The following ZNF532 variants were observed in gnomAD, a reference collection of about 807,000 sequenced individuals.
ZNF532 encodes the protein zinc finger protein 532.
In ZNF532, 22 loss-of-function variants were observed where a neutral mutation model predicts 89.3. That is an observed-to-expected ratio of 0.25 (90% confidence interval 0.18 to 0.35). ZNF532 has a LOEUF of 0.35. Ranked by LOEUF, ZNF532 falls within the 10% of genes least tolerant of loss-of-function variation. ZNF532 has a pLI of 1.00. For synonymous variants in ZNF532, 606 were observed against 649.6 expected, an observed-to-expected ratio of 0.93 and a Z score of 1.02; for missense variants, 1,132 against 1,643.4, an observed-to-expected ratio of 0.69 and a Z score of 5.38.
At chr18:58,972,367 T>G (rs1288533781) in intron 7 of ZNF532, among the ~76,000 whole-genome samples, 1 of 152,242 alleles carries the variant, frequency 6.6e-6, no homozygotes, top group African/African-American at 2.4e-5. Flanking sequence ...CATTAGAAAT[T>G]GACAGTGGTT....
At chr18:58,866,239 T>A (rs1327955220) in intron 2 of ZNF532, among the ~76,000 whole-genome samples, 1 of 152,334 alleles carries the variant, frequency 6.6e-6, no homozygotes, top group Admixed American at 6.5e-5. Flanking sequence ...AAAGCTGTAC[T>A]GGAATGGGTG....
chr18:58,965,367 G>C (rs1455195564), intron 7 of ZNF532, among the ~76,000 whole-genome samples: 1 of 152,218 alleles, frequency 6.6e-6, no homozygotes, highest in Non-Finnish European at 1.5e-5. Flanking sequence ...AGGAAATGAA[G>C]CCTGAGAAAG....
chr18:58,893,656 C>CA (rs11389338), intron 2 of ZNF532, among the ~76,000 whole-genome samples: 41,070 of 117,866 alleles, frequency 0.35, 7,631 homozygotes, highest in East Asian at 0.65. Context: ...GACTCTGTCT[C>CA]AAAAAAAAAA....
At chr18:58,958,839 G>A (rs1482805883) in intron 7 of ZNF532, among the ~76,000 whole-genome samples, 6 of 152,176 alleles carry the variant, frequency 3.9e-5, no homozygotes, top group Non-Finnish European at 7.3e-5. Context: ...CATCCCAGCC[G>A]TGAGCCTTTC....
At chr18:58,940,346 T>C (rs556516357) in intron 5 of ZNF532, 2 of 152,236 alleles carry the variant, frequency 1.3e-5, no homozygotes, top group Non-Finnish European at 2.9e-5. Context: ...GGTTACTGAA[T>C]TTAACTTCAT....
chr18:58,909,035 C>T (rs1226348882), intron 2 of ZNF532, among the ~76,000 whole-genome samples: 1 of 152,106 alleles, frequency 6.6e-6, no homozygotes, highest in African/African-American at 2.4e-5. Flanking sequence ...CTCACTGCAA[C>T]CTCTGCCTCC....
chr18:58,948,334 G>GGGA, intron 6 of ZNF532, 105 bp downstream of exon 6: 1 of 1,176,956 alleles, frequency 8.5e-7, no homozygotes, highest in African/African-American at 1.5e-5. Flanking sequence ...TCACTGTCGA[G>GGGA]GGAAGGGATG....
Position 58,920,470 on chromosome 18 carries a change from T to C in ZNF532, c.2183T>C (p.Ile728Thr). 1.2e-6 allele frequency: 2 copies of C among 1,613,940 alleles called. No homozygotes were observed. Among genetic ancestry groups the C allele is most frequent in the Middle Eastern group, 1.7e-4 (1 of 6,048 alleles). Residue 728 changes from isoleucine to threonine, a missense_variant, in exon 3 of 10, where the codon ATA (isoleucine) becomes ACA (threonine). By Grantham distance (89) the Ile-to-Thr change is moderately conservative. Coordinates refer to ENST00000591808, the MANE Select transcript of ZNF532 (RefSeq NM_001375912.1). ...KIQSGITGTV[I>T]SAPSSTPITP... Reference sequence around the variant, plus strand: ...CAGTCTGGCATAACTGGGACAGTCATATCGGCTCCTTCAAGCACTCCCATC... The same window carrying C: ...CAGTCTGGCATAACTGGGACAGTCACATCGGCTCCTTCAAGCACTCCCATC...
intron 2 of ZNF532, among the ~76,000 whole-genome samples, chr18:58,904,872 A>G (rs1374200829): frequency 1.4e-5 from 2 of 143,940 alleles, no homozygotes; most frequent in African/African-American, 5.2e-5. Context: ...ACTGGGTCTC[A>G]CTCTTGTCAC....
At chr18:58,900,563 C>A (rs1241352089) in intron 2 of ZNF532, among the ~76,000 whole-genome samples, 1 of 152,202 alleles carries the variant, frequency 6.6e-6, no homozygotes, top group Non-Finnish European at 1.5e-5. Context: ...ACCGTCCCCA[C>A]CTCCATGGCA....
chr18:58,948,512 TG>T (rs1291025374), intron 6 of ZNF532, among the ~76,000 whole-genome samples: 1 of 152,082 alleles, frequency 6.6e-6, no homozygotes, highest in African/African-American at 2.4e-5. Flanking sequence ...TTTTGTTTTT[TG>T]TTTTTTTTAA....
In ZNF532 at chr18:58,979,167, C is replaced by A; in HGVS notation, c.3263C>A (p.Ser1088Ter). 1 of 1,607,768 alleles carries A rather than the reference C, an allele frequency of 6.2e-7. No individual in the cohort carries two copies. Among genetic ancestry groups the A allele is most frequent in the South Asian group, 1.1e-5 (1 of 90,664 alleles). ...HKGIRKVYAC[S>*]HCPDSRRTFT... ...GGCATCAGGAAAGTGTACGCCTGCT[C>A]GTAAGTCCTGGTTTCTAACGGAACG... Residue 1088 changes from serine (S) to a stop codon, truncating the protein, a stop_gained and splice_region_variant, in exon 8 of 10, where the codon TCG becomes TAG. Transcript: ENST00000591808. LOFTEE classifies it high-confidence loss of function.
chr18:58,895,969 A>T (rs935410495), intron 2 of ZNF532, among the ~76,000 whole-genome samples: 1 of 151,170 alleles, frequency 6.6e-6, no homozygotes, highest in Non-Finnish European at 1.5e-5. Context: ...CTCCTACCTT[A>T]GCCTCCCAAG....
At chr18:58,892,783 A>G (rs1568258477) in intron 2 of ZNF532, among the ~76,000 whole-genome samples, 1 of 152,236 alleles carries the variant, frequency 6.6e-6, no homozygotes, top group Non-Finnish European at 1.5e-5. Flanking sequence ...GGCGTGGCAG[A>G]GACAGGAGGG....
chr18:58,985,967 A>G lies in ZNF532; in HGVS notation c.*1501A>G, dbSNP rs899780307. The G allele has an allele frequency of 6.6e-6, 1 of 152,572 alleles. No homozygotes were observed. Among genetic ancestry groups the G allele is most frequent in the Non-Finnish European group, 1.5e-5 (1 of 68,034 alleles). The allele number at this position is 152,572 out of a possible 1,614,324, so 9.5% of individuals were successfully genotyped here. On this transcript the variant is annotated 3_prime_UTR_variant, in exon 10 of 10. Coordinates refer to ENST00000591808, the MANE Select transcript of ZNF532 (RefSeq NM_001375912.1). ...TTGGCCCTTGTGCTTCTGTGAGAGA[A>G]TTATTGATGGTGGGTCTCTGACATC...
At chr18:58,980,607 G>GT (rs1309276788) in intron 8 of ZNF532, 1 of 152,076 alleles carries the variant, frequency 6.6e-6, no homozygotes, top group African/African-American at 2.4e-5. Context: ...TTGATACCTG[G>GT]TTTTATAGCA....
At chr18:58,978,866 C>T (rs1273647306) in intron 7 of ZNF532, among the ~76,000 whole-genome samples, 189 bp from the exon 8 acceptor site, 1 of 152,182 alleles carries the variant, frequency 6.6e-6, no homozygotes, top group Non-Finnish European at 1.5e-5. Flanking sequence ...GTGCATGACA[C>T]AGTTCTGACT....
At chr18:58,948,020 CT>C in intron 5 of ZNF532, 46 bp from the exon 6 acceptor site, 1 of 1,556,662 alleles carries the variant, frequency 6.4e-7, no homozygotes, top group Non-Finnish European at 8.7e-7. Context: ...GATCCTTTGA[CT>C]TAAAGAGGCT....
intron 2 of ZNF532, among the ~76,000 whole-genome samples, chr18:58,871,672 A>C (rs1197414226): frequency 6.6e-6 from 1 of 152,218 alleles, no homozygotes; most frequent in African/African-American, 2.4e-5. Flanking sequence ...GTTGGAGGTG[A>C]TAGCTGATGA....
Sources: gnomAD v4.1 joint callset for allele counts (sites outside exome capture counted in the v4.1 genomes callset) on GRCh38, gnomAD v4.1.1 for gene constraint, MANE v1.5 for transcripts, NCBI Gene and HGNC (gene_info 2026-07-23, HGNC 2026-07-21) for gene names.